Variants in NTN4 observed in about 807,000 individuals in gnomAD.
NTN4 encodes the protein netrin-4.
Under a neutral mutation model 73.6 loss-of-function variants are expected in NTN4, and 32 were observed. That is an observed-to-expected ratio of 0.44 (90% CI 0.33 to 0.58). The LOEUF (loss-of-function observed/expected upper bound fraction) is 0.58. Among genes scored for constraint, NTN4 ranks in the 20% least tolerant of loss-of-function variants. NTN4 has a pLI of 0.04. For missense variants in NTN4, 654 were observed against 798.3 expected (o/e 0.82, Z 2.18); for synonymous variants, 258 against 287.5 (o/e 0.90, Z 1.04).
rs528725548 is a variant in NTN4, at chr12:95,754,509, G to A, written c.586-16365C>T. 1.3e-4 allele frequency among the ~76,000 whole-genome samples: 20 copies of A among 152,244 alleles called. 1 individual carries two copies. The East Asian group carries it at 1.3e-3, about 10-fold the overall frequency. ...CCATCGCATCCCCTGTGACTTGCAC[G>A]TATACGCCCAGATGGCCTCAAGTAA... On this transcript the variant is annotated intron_variant, in intron 2 of 9. Transcript: ENST00000343702.
At chr12:95,739,657 A>C (rs2078808623) in intron 2 of NTN4, among the ~76,000 whole-genome samples, 1 of 152,202 alleles carries the variant, frequency 6.6e-6, no homozygotes. Flanking sequence ...ATATCAGTAA[A>C]GTGCTACCTC....
chr12:95,790,226 G>C lies in NTN4; in HGVS notation c.55+29C>G. 1 of 1,527,616 alleles carries C rather than the reference G, an allele frequency of 6.5e-7. No homozygotes were observed. The highest frequency in any genetic ancestry group is 8.8e-7 in the Non-Finnish European group (1 of 1,136,042). 94.6% of individuals were successfully genotyped at this position (1,527,616 alleles called of 1,614,324 possible). A position where few individuals can be genotyped will look rare whatever the true frequency, so the allele number is the denominator to read the frequency against. On this transcript the variant is annotated intron_variant, in intron 1 of 9. Transcript: ENST00000343702. The surrounding 1 kb of genome is among the most constrained non-coding windows in gnomAD (Gnocchi z 6.5). ...GGGTTAGAGAAGCAGCGAGGGAAGG[G>C]GTGGGGGCCCCGCCGCGTCACCACC...
intron 2 of NTN4, among the ~76,000 whole-genome samples, chr12:95,776,048 C>G (rs894178455): frequency 3.3e-5 from 5 of 152,342 alleles, no homozygotes; most frequent in Middle Eastern, 3.4e-3. Context: ...CCCAGGCAAA[C>G]AGGGTCTGGA....
chr12:95,734,939 T>C (rs2078764165), intron 3 of NTN4, among the ~76,000 whole-genome samples: 1 of 152,176 alleles, frequency 6.6e-6, no homozygotes, highest in South Asian at 2.1e-4. Flanking sequence ...CTCTGGAGGC[T>C]GAGGCAGGAG....
chr12:95,707,688 T>C (rs2121074443), intron 5 of NTN4, among the ~76,000 whole-genome samples: 1 of 152,340 alleles, frequency 6.6e-6, no homozygotes, highest in South Asian at 2.1e-4. Context: ...CAAGGATCTT[T>C]GTCTTATTCT....
chr12:95,752,530 G>T (rs993616658), intron 2 of NTN4, among the ~76,000 whole-genome samples: 82 of 151,970 alleles, frequency 5.4e-4, no homozygotes, highest in African/African-American at 1.8e-3. Flanking sequence ...CTGCCACAAA[G>T]CTTCACAGAC....
intron 5 of NTN4, among the ~76,000 whole-genome samples, chr12:95,705,430 C>A (rs2078515684): frequency 6.6e-6 from 1 of 152,110 alleles, no homozygotes; most frequent in South Asian, 2.1e-4. Context: ...CAACCACTTA[C>A]CTGCCCTACT....
intron 5 of NTN4, among the ~76,000 whole-genome samples, chr12:95,700,947 G>A (rs182288542): frequency 1.3e-5 from 2 of 151,574 alleles, no homozygotes; most frequent in Admixed American, 1.3e-4. Flanking sequence ...CCAAGTAGCT[G>A]GGACTACAGG....
Position 95,665,890 on chromosome 12 carries a change from A to C in NTN4, c.1670T>G (p.Leu557Arg). The change falls in exon 9 of 10, where the codon CTG (leucine) becomes CGG (arginine). Residue 557 changes from leucine (L) to arginine (R), a missense_variant. Coordinates refer to ENST00000343702, the MANE Select transcript of NTN4 (RefSeq NM_021229.4). ...TGTTCGCTTTCCTCGGAAAATCTTC[A>C]GTTTGGTAGATTTTAAGACCTTTTT... ...KIKKVLKSTK[L>R]KIFRGKRTLY... 6.2e-7 allele frequency: 1 copy of C among 1,613,446 alleles called. No homozygotes were observed. Among genetic ancestry groups the C allele is most frequent in the South Asian group, 1.1e-5 (1 of 91,064 alleles).
rs1408352752 is a variant in NTN4 at position 95,789,358 on chromosome 12, C to T, written c.55+897G>A. Among the ~76,000 whole-genome samples the T allele has an allele frequency of 2.6e-5, 4 of 152,194 alleles. No individual in the cohort carries two copies. Among genetic ancestry groups the T allele is most frequent in the African/African-American group, 9.6e-5 (4 of 41,458 alleles). ...GCCCCTTTCTGAAGCAGTCAAGATC[C>T]GCACGAGAGACTGGATGTCTGCAGA... On this transcript the variant is annotated intron_variant, in intron 1 of 9. Coordinates refer to ENST00000343702, the MANE Select transcript of NTN4 (RefSeq NM_021229.4). The surrounding 1 kb of genome is among the most constrained non-coding windows in gnomAD (Gnocchi z 4.0).
intron 7 of NTN4, among the ~76,000 whole-genome samples, chr12:95,676,202 C>A (rs1415507402): frequency 6.6e-6 from 1 of 152,126 alleles, no homozygotes; most frequent in Non-Finnish European, 1.5e-5. Context: ...CTTCCAGGTT[C>A]AAGTGATTCT....
rs550500809 is a variant in NTN4 at position 95,696,013 on chromosome 12, C to T, written c.1181-12302G>A. Among the ~76,000 whole-genome samples the T allele has an allele frequency of 4.0e-5, 6 of 150,286 alleles. No homozygotes were observed. The South Asian group carries it at 1.1e-3, about 27-fold the overall frequency. ...CCTTCCCCTTCCCCTTTCCCTCCCTCCCATACTCACTTCCTTCCTTCCTTC... is the reference window on the plus strand; with the variant it reads ...CCTTCCCCTTCCCCTTTCCCTCCCTTCCATACTCACTTCCTTCCTTCCTTC... On this transcript the variant is annotated intron_variant, in intron 5 of 9. Coordinates refer to ENST00000343702, the MANE Select transcript of NTN4 (RefSeq NM_021229.4).
intron 7 of NTN4, chr12:95,674,083 T>G (rs1301201548): frequency 2.6e-5 from 4 of 152,080 alleles, no homozygotes; most frequent in East Asian, 1.9e-4. Flanking sequence ...GAGGATTGCT[T>G]GAGCCCAGGA....
At chr12:95,736,636 T>C (rs1188865475) in intron 3 of NTN4, among the ~76,000 whole-genome samples, 1 of 152,222 alleles carries the variant, frequency 6.6e-6, no homozygotes, top group East Asian at 1.9e-4. Flanking sequence ...CACCCTTTAT[T>C]TGAAACAATA....
At chr12:95,725,006 ATT>A (rs1555217818) in intron 3 of NTN4, among the ~76,000 whole-genome samples, 25 of 135,782 alleles carry the variant, frequency 1.8e-4, no homozygotes, top group Admixed American at 4.4e-4. Context: ...TGTCATCAGG[ATT>A]TTTTTTTTTT....
chr12:95,717,593 T>A (rs2078616013), intron 3 of NTN4, among the ~76,000 whole-genome samples: 2 of 151,748 alleles, frequency 1.3e-5, no homozygotes, highest in African/African-American at 4.8e-5. Context: ...CAACTGTTGC[T>A]GTTCAAGCTT....
intron 9 of NTN4, among the ~76,000 whole-genome samples, chr12:95,664,084 GCT>G (rs1284881301): frequency 2.0e-5 from 3 of 152,064 alleles, no homozygotes; most frequent in African/African-American, 7.2e-5. Context: ...ATAGGGTCTT[GCT>G]CTGTTTGCCC....
At chr12:95,665,755 G>T in intron 9 of NTN4, 55 bp downstream of exon 9, 1 of 1,398,918 alleles carries the variant, frequency 7.1e-7, no homozygotes, top group Non-Finnish European at 9.8e-7. Flanking sequence ...TGTAAGACAA[G>T]CAGCAAATCA....
chr12:95,711,283 GAT>G (rs2078563683), intron 4 of NTN4, among the ~76,000 whole-genome samples: 1 of 151,808 alleles, frequency 6.6e-6, no homozygotes. Flanking sequence ...GTTGGGCAGA[GAT>G]ATTATGATGA....
Sources: gnomAD v4.1 joint callset for allele counts (sites outside exome capture counted in the v4.1 genomes callset) on GRCh38, gnomAD v4.1.1 for gene constraint, Gnocchi (gnomAD v3.1) non-coding constraint, MANE v1.5 for transcripts, NCBI Gene and HGNC (gene_info 2026-07-23, HGNC 2026-07-21) for gene names.